BEND2: variants seen among roughly 807,000 people sequenced by gnomAD.
BEND2 encodes the protein BEN domain-containing protein 2.
BEND2 carries 19 observed loss-of-function variants against 43.8 expected under a neutral mutation model. That is an observed-to-expected ratio of 0.43 (90% CI 0.30 to 0.64). BEND2 has a LOEUF of 0.64. Among genes scored for constraint, BEND2 ranks in the 30% least tolerant of loss-of-function variants. The pLI is 0.11. For missense variants in BEND2, 544 were observed against 574.0 expected (o/e 0.95, Z 0.53); for synonymous variants, 226 against 210.1 (o/e 1.08, Z -0.66).
Position 18,195,256 on chromosome X carries a change from A to G in BEND2, c.1180+40T>C, listed in dbSNP as rs771031326. ...ATATTAAGAATGTTGATGAATCTAG[A>G]TGAGAGGCCTGCTTGTGATATCCAT... On this transcript the variant is annotated intron_variant, in intron 7 of 13. Coordinates refer to ENST00000380033, the MANE Select transcript of BEND2 (RefSeq NM_153346.5). The G allele has an allele frequency of 2.7e-5, 32 of 1,168,474 alleles. No individual in the cohort carries two copies. In the African/African-American group the frequency reaches 3.1e-4, roughly 11 times the overall value.
At chrX:18,180,770 ACT>A in intron 8 of BEND2, 120 bp from the exon 9 acceptor site, 1 of 496,723 alleles carries the variant, frequency 2.0e-6, no homozygotes, top group South Asian at 4.1e-5. Flanking sequence ...CAGCAGACCT[ACT>A]CTTTTTTTTT....
Position 18,195,808 on chromosome X carries a change from T to C in BEND2, c.1034-366A>G, listed in dbSNP as rs1304612610. On this transcript the variant is annotated intron_variant, in intron 6 of 13. Coordinates refer to ENST00000380033, the MANE Select transcript of BEND2 (RefSeq NM_153346.5). ...GGGAGGGTCACCTGAGCCCGGGAAA[T>C]GGAGGCTGCAGTGAGCCATGATTGC... Among the ~76,000 whole-genome samples the C allele has an allele frequency of 4.8e-5, 5 of 104,217 alleles. No individual in the cohort carries two copies. In the East Asian group the frequency reaches 1.2e-3, roughly 26 times the overall value. The allele number at this position is 104,217 out of a possible 115,157, so 90.5% of individuals were successfully genotyped here. A position where few individuals can be genotyped will look rare whatever the true frequency, so the allele number is the denominator to read the frequency against.
intron 10 of BEND2, 31 bp downstream of exon 10, chrX:18,177,538 A>T: frequency 8.6e-7 from 1 of 1,164,602 alleles, no homozygotes; most frequent in South Asian, 1.8e-5. Flanking sequence ...GATTAAAAAT[A>T]AGATTCCATT....
At chrX:18,176,477 G>A (rs892138903) in intron 10 of BEND2, among the ~76,000 whole-genome samples, 1 of 108,223 alleles carries the variant, frequency 9.2e-6, no homozygotes, top group Non-Finnish European at 1.9e-5. Flanking sequence ...TCAGGAGTTT[G>A]AGAACAGCTT....
intron 2 of BEND2, among the ~76,000 whole-genome samples, chrX:18,215,798 G>C (rs140265608): frequency 7.8e-4 from 88 of 112,135 alleles, no homozygotes; most frequent in African/African-American, 2.8e-3. Context: ...GTTTTAAAGA[G>C]AAGAAAATCC....
intron 3 of BEND2, 94 bp downstream of exon 3, chrX:18,213,680 G>C (rs1224528051): frequency 8.5e-6 from 1 of 118,262 alleles, no homozygotes; most frequent in Non-Finnish European, 1.7e-5. Flanking sequence ...AGGAGGCTGA[G>C]GCAGGAGGAT....
chrX:18,194,157 C>T (rs1349259658), intron 7 of BEND2, among the ~76,000 whole-genome samples: 2 of 111,486 alleles, frequency 1.8e-5, no homozygotes, highest in Non-Finnish European at 3.8e-5. Flanking sequence ...GAAATTGGAT[C>T]ACTCATACAT....
intron 13 of BEND2, among the ~76,000 whole-genome samples, chrX:18,168,815 G>A (rs1923888778): frequency 8.9e-6 from 1 of 111,752 alleles, no homozygotes; most frequent in South Asian, 3.7e-4. Flanking sequence ...AAATATTAGG[G>A]TAAGAAACTA....
intron 12 of BEND2, among the ~76,000 whole-genome samples, chrX:18,173,065 T>C (rs1924024778): frequency 9.0e-6 from 1 of 111,443 alleles, no homozygotes; most frequent in Non-Finnish European, 1.9e-5. Flanking sequence ...AAAAATATTT[T>C]CCAATTTTTC....
intron 13 of BEND2, among the ~76,000 whole-genome samples, chrX:18,167,459 A>G (rs966801419): frequency 2.7e-5 from 3 of 112,172 alleles, no homozygotes; most frequent in African/African-American, 9.7e-5. Flanking sequence ...AAAAGGTACT[A>G]GCAGTATAAA....
chrX:18,165,641 A>G (rs1923804261), intron 13 of BEND2, among the ~76,000 whole-genome samples: 1 of 112,289 alleles, frequency 8.9e-6, no homozygotes, highest in African/African-American at 3.2e-5. Flanking sequence ...AAGAAGCTGT[A>G]ACTGCTAACT....
intron 1 of BEND2, among the ~76,000 whole-genome samples, chrX:18,220,490 G>A (rs915447226): frequency 9.0e-6 from 1 of 111,536 alleles, no homozygotes; most frequent in African/African-American, 3.3e-5. Flanking sequence ...GACATCTTGA[G>A]CCCCTGAGAC....
Position 18,219,763 on chromosome X carries a change from G to A in BEND2, c.25+963C>T, listed in dbSNP as rs756799658. 4.9e-4 allele frequency among the ~76,000 whole-genome samples: 54 copies of A among 111,216 alleles called. 1 individual carries two copies. Among genetic ancestry groups the A allele is most frequent in the South Asian group, 4.6e-3 (12 of 2,607 alleles). On this transcript the variant is annotated intron_variant, in intron 1 of 13. Coordinates refer to ENST00000380033, the MANE Select transcript of BEND2 (RefSeq NM_153346.5). ...TCAACAAAAAATACAAAAATTAGCCGGGCGTGGTGGTGCACGCCTGTAGTC... is the reference window on the plus strand; with the variant it reads ...TCAACAAAAAATACAAAAATTAGCCAGGCGTGGTGGTGCACGCCTGTAGTC...
intron 13 of BEND2, among the ~76,000 whole-genome samples, chrX:18,166,424 C>T (rs1923823896): frequency 8.9e-6 from 1 of 111,759 alleles, no homozygotes; most frequent in Non-Finnish European, 1.9e-5. Flanking sequence ...TTTAAGATTG[C>T]ACACAAGCAT....
intron 8 of BEND2, among the ~76,000 whole-genome samples, chrX:18,182,196 C>T (rs1223217645): frequency 9.0e-6 from 1 of 110,924 alleles, no homozygotes; most frequent in African/African-American, 3.3e-5. Flanking sequence ...CAGATTTCCC[C>T]CTTGCTGGTC....
At chrX:18,196,485 C>A (rs1924957026) in intron 6 of BEND2, among the ~76,000 whole-genome samples, 1 of 110,225 alleles carries the variant, frequency 9.1e-6, no homozygotes, top group African/African-American at 3.3e-5. Flanking sequence ...CAAATGAAAA[C>A]TTATATTTAT....
intron 8 of BEND2, among the ~76,000 whole-genome samples, chrX:18,180,968 T>C (rs1240508481): frequency 9.1e-6 from 1 of 110,057 alleles, no homozygotes. Context: ...AGACATGGGG[T>C]TTCGCCATGT....
Position 18,177,769 on chromosome X carries a change from C to T in BEND2, c.1430G>A (p.Gly477Asp). The T allele has an allele frequency of 1.7e-6, 2 of 1,201,645 alleles. No homozygotes were observed. The highest frequency in any genetic ancestry group is 2.3e-6 in the Non-Finnish European group (2 of 887,335). Reference protein sequence around the residue: ...SSSVCIPPKYGYLGDPKRNVR... With the variant: ...SSSVCIPPKYDYLGDPKRNVR... ...ATTTCTTTTTGGATCACCAAGATAG[C>T]CTTTAAAAATAAAGAGAAAAAGGAA... Residue 477 changes from glycine (G) to aspartate (D), a missense_variant and splice_region_variant, in exon 10 of 14, where the codon GGC becomes GAC. Physicochemically the swap from Gly to Asp is moderately conservative, Grantham distance 94. Transcript: ENST00000380033.
intron 8 of BEND2, among the ~76,000 whole-genome samples, chrX:18,180,871 T>C (rs897490179): frequency 9.2e-6 from 1 of 108,515 alleles, no homozygotes; most frequent in Admixed American, 1.0e-4. Flanking sequence ...GCCCACTGGG[T>C]TCAAGCAATT....
Sources: gnomAD v4.1 joint callset for allele counts (sites outside exome capture counted in the v4.1 genomes callset) on GRCh38, gnomAD v4.1.1 for gene constraint, MANE v1.5 for transcripts, NCBI Gene and HGNC (gene_info 2026-07-23, HGNC 2026-07-21) for gene names.